EXOC5: variants seen among roughly 807,000 people sequenced by gnomAD.
EXOC5 encodes the protein SEC10-like 1.
In EXOC5, 17 loss-of-function variants were observed where a neutral mutation model predicts 90.8. The ratio of observed to expected loss-of-function variants is 0.19; its 90% CI spans 0.13 to 0.28. EXOC5 has a LOEUF of 0.28. Ranked by LOEUF, EXOC5 falls within the 10% of genes least tolerant of loss-of-function variation. The pLI is 1.00. For missense variants in EXOC5, 569 were observed against 830.6 expected (o/e 0.69, Z 3.87); for synonymous variants, 260 against 270.0 (o/e 0.96, Z 0.36).
chr14:57,262,719 G>A (rs1484899001), intron 1 of EXOC5, among the ~76,000 whole-genome samples: 25 of 147,742 alleles, frequency 1.7e-4, no homozygotes, highest in African/African-American at 6.2e-4. Flanking sequence ...ATATATATGT[G>A]TGTGTATATA....
In EXOC5 at chr14:57,268,810, C is replaced by T. The variant is rs1884789599; in HGVS notation, c.-162G>A. On this transcript the variant is annotated 5_prime_UTR_variant, in exon 1 of 18. Coordinates refer to ENST00000621441, the MANE Select transcript of EXOC5 (RefSeq NM_006544.4). ...ACAGATCCCAGGAGGGGCGGGAGAG[C>T]GGCCATGAAGCGAAGCCGCAAACGC... The T allele has an allele frequency of 7.1e-7, 1 of 1,405,490 alleles. No individual in the cohort carries two copies. Among genetic ancestry groups the T allele is most frequent in the Non-Finnish European group, 9.2e-7 (1 of 1,086,702 alleles). The allele number at this position is 1,405,490 out of a possible 1,614,324, so 87.1% of individuals were successfully genotyped here. A position where few individuals can be genotyped will look rare whatever the true frequency, so the allele number is the denominator to read the frequency against.
chr14:57,235,822 T>TAAAAATAA lies in EXOC5; in HGVS notation c.560-10_560-3dup, dbSNP rs749726007. The TAAAAATAA allele has an allele frequency of 2.0e-5, 30 of 1,509,356 alleles. No individual in the cohort carries two copies. The African/African-American group carries it at 3.4e-4, about 17-fold the overall frequency. 93.5% of individuals were successfully genotyped at this position (1,509,356 alleles called of 1,614,324 possible). ...GGCATTCTAAATCATGGTATTTACC[T>TAAAAATAA]AAAAATAAAGTCATTCAGCTACACT... On this transcript the variant is annotated splice_region_variant and splice_polypyrimidine_tract_variant and intron_variant, in intron 6 of 17. Coordinates refer to ENST00000621441, the MANE Select transcript of EXOC5 (RefSeq NM_006544.4).
intron 1 of EXOC5, among the ~76,000 whole-genome samples, chr14:57,258,391 A>T (rs566130554): frequency 4.1e-4 from 63 of 152,304 alleles, no homozygotes; most frequent in African/African-American, 1.5e-3. Context: ...GTTCATATCC[A>T]CTGCAGGGAC....
chr14:57,261,825 G>A (rs747178327), intron 1 of EXOC5, among the ~76,000 whole-genome samples: 6 of 152,168 alleles, frequency 3.9e-5, no homozygotes, highest in Admixed American at 6.5e-5. Context: ...GGCTGCATGG[G>A]CTTTCTCTTG....
chr14:57,224,118 G>A (rs1032865007), intron 12 of EXOC5, among the ~76,000 whole-genome samples: 1 of 151,808 alleles, frequency 6.6e-6, no homozygotes, highest in African/African-American at 2.4e-5. Context: ...AAAGAAGAAA[G>A]TTCTCAAATC....
At chr14:57,239,695 A>C (rs1883796635) in intron 4 of EXOC5, 36 bp from the exon 5 acceptor site, 1 of 1,262,064 alleles carries the variant, frequency 7.9e-7, no homozygotes, top group South Asian at 1.4e-5. Context: ...AATTTAAAAA[A>C]CTTTTAGGCA....
intron 11 of EXOC5, 70 bp downstream of exon 11, chr14:57,231,436 A>G (rs549200358): frequency 1.0e-5 from 10 of 988,004 alleles, no homozygotes; most frequent in South Asian, 4.8e-5. Flanking sequence ...AACATTTGAT[A>G]ATTTGCCCAA....
intron 11 of EXOC5, 99 bp from the exon 12 acceptor site, chr14:57,229,980 A>C (rs1038164471): frequency 5.9e-5 from 35 of 592,744 alleles, no homozygotes; most frequent in Admixed American, 1.6e-4. Context: ...ACAAAAATGG[A>C]CCAATAGCCA....
intron 12 of EXOC5, among the ~76,000 whole-genome samples, chr14:57,225,216 C>G (rs1883269414): frequency 6.6e-6 from 1 of 152,156 alleles, no homozygotes; most frequent in African/African-American, 2.4e-5. Flanking sequence ...GCAAGGCCAA[C>G]ATTTGAAAAT....
intron 8 of EXOC5, 51 bp downstream of exon 8, chr14:57,233,937 A>G (rs1199087179): frequency 3.1e-6 from 5 of 1,596,134 alleles, no homozygotes; most frequent in Non-Finnish European, 4.3e-6. Context: ...CATGATTTTA[A>G]AACAACAATT....
rs374425904 is a variant in EXOC5 at position 57,209,657 on chromosome 14, C to T, written c.1848G>A (p.Glu616=). 1.9e-6 allele frequency: 3 copies of T among 1,612,644 alleles called. No homozygotes were observed. Among genetic ancestry groups the T allele is most frequent in the Non-Finnish European group, 2.5e-6 (3 of 1,179,024 alleles). The change falls in exon 17 of 18, where the codon GAG becomes GAA. Residue 616 remains glutamate, a synonymous_variant. Coordinates refer to ENST00000621441, the MANE Select transcript of EXOC5 (RefSeq NM_006544.4). ...LGVRFHRLIY[E]HLQQYSYSCM... is the part of the protein sequence containing the mutation. Reference sequence around the variant, plus strand: ...AACTGTAGGAATATTGTTGAAGATGCTCATAGATAAGTCGATGAAAACGTA... The same window carrying T: ...AACTGTAGGAATATTGTTGAAGATGTTCATAGATAAGTCGATGAAAACGTA...
intron 4 of EXOC5, among the ~76,000 whole-genome samples, chr14:57,241,044 G>A (rs1198076117): frequency 6.6e-6 from 1 of 151,990 alleles, no homozygotes; most frequent in African/African-American, 2.4e-5. Context: ...AGTAGAGACG[G>A]GGTTTCGCCA....
chr14:57,225,544 G>C (rs1883279721), intron 12 of EXOC5, among the ~76,000 whole-genome samples: 1 of 151,146 alleles, frequency 6.6e-6, no homozygotes, highest in South Asian at 2.1e-4. Flanking sequence ...CTGTATTTAT[G>C]GGCTGATAAT....
At chr14:57,221,070 A>G (rs1883123105) in intron 13 of EXOC5, among the ~76,000 whole-genome samples, 1 of 152,190 alleles carries the variant, frequency 6.6e-6, no homozygotes, top group Middle Eastern at 3.2e-3. Context: ...CAATGAGAAG[A>G]TAATAAGGAT....
At chr14:57,261,206 G>T (rs543478768) in intron 1 of EXOC5, among the ~76,000 whole-genome samples, 77 of 152,170 alleles carry the variant, frequency 5.1e-4, no homozygotes, top group South Asian at 1.0e-3. Flanking sequence ...TATTTGCACG[G>T]TGTTACATGA....
At chr14:57,267,755 A>G (rs1234141788) in intron 1 of EXOC5, among the ~76,000 whole-genome samples, 1 of 152,196 alleles carries the variant, frequency 6.6e-6, no homozygotes, top group Admixed American at 6.5e-5. Flanking sequence ...ACGAAATTAA[A>G]TTTTAAGGTT....
At position 57,239,700 on chromosome 14, in the gene EXOC5, T is replaced by C. The variant is rs1171321636; in HGVS notation, c.466-41A>G. On this transcript the variant is annotated intron_variant, in intron 4 of 17. Transcript: ENST00000621441. ...TAAAAGCAATAATTTAAAAAACTTT[T>C]AGGCATATCAAAAAATAATTATATA... The C allele has an allele frequency of 2.5e-6, 3 of 1,214,696 alleles. No homozygotes were observed. In the Admixed American group the frequency reaches 7.8e-5, roughly 32 times the overall value. The allele number at this position is 1,214,696 out of a possible 1,614,324, so 75.2% of individuals were successfully genotyped here. A position where few individuals can be genotyped will look rare whatever the true frequency, so the allele number is the denominator to read the frequency against.
At chr14:57,213,751 T>G (rs555659363) in intron 15 of EXOC5, among the ~76,000 whole-genome samples, 26 of 152,092 alleles carry the variant, frequency 1.7e-4, no homozygotes, top group South Asian at 8.3e-4. Flanking sequence ...GGTGGATCAC[T>G]TGAGGCCAGG....
chr14:57,264,364 T>A (rs1421342580), intron 1 of EXOC5, among the ~76,000 whole-genome samples: 1 of 152,204 alleles, frequency 6.6e-6, no homozygotes, highest in Admixed American at 6.5e-5. Flanking sequence ...GTAATTTAGT[T>A]TGAAAAATTA....
Sources: allele counts gnomAD v4.1 joint callset (sites outside exome capture counted in the v4.1 genomes callset), GRCh38; gene constraint gnomAD v4.1.1; transcripts MANE v1.5; gene names NCBI Gene and HGNC (gene_info 2026-07-23, HGNC 2026-07-21).